The following SCN9A variants were observed in gnomAD, a reference collection of about 807,000 sequenced individuals.
SCN9A encodes the protein sodium channel protein type 9 subunit alpha.
A neutral mutation model predicts 187.0 loss-of-function variants in SCN9A; 131 were observed. That is an observed-to-expected ratio of 0.70 (90% CI 0.61 to 0.81). The LOEUF is 0.81. Ranked by LOEUF, SCN9A falls within the 30% of genes least tolerant of loss-of-function variation. SCN9A has a pLI of 0.00. For missense variants in SCN9A, 2,252 were observed against 2,396.6 expected, an observed-to-expected ratio of 0.94 and a Z score of 1.26; for synonymous variants, 809 against 808.6, an observed-to-expected ratio of 1.00 and a Z score of -0.01.
intron 1 of SCN9A, among the ~76,000 whole-genome samples, chr2:166,327,954 C>T (rs1200240074): frequency 6.6e-6 from 1 of 152,146 alleles, no homozygotes; most frequent in East Asian, 1.9e-4. Flanking sequence ...CACAATTTAA[C>T]TATTGTCCAT....
At chr2:166,233,489 G>A in intron 20 of SCN9A, 27 bp from the exon 21 acceptor site, 1 of 1,533,094 alleles carries the variant, frequency 6.5e-7, no homozygotes, top group Non-Finnish European at 8.7e-7. Flanking sequence ...TTCATTAATT[G>A]TGTCAATAAA....
At chr2:166,292,492 G>A (rs1026064007) in intron 9 of SCN9A, among the ~76,000 whole-genome samples, 5 of 150,956 alleles carry the variant, frequency 3.3e-5, no homozygotes, top group Non-Finnish European at 7.4e-5. Flanking sequence ...TAATATTCTC[G>A]GAAATAAAGT....
chr2:166,236,903 CA>C (rs1558972329), intron 20 of SCN9A, among the ~76,000 whole-genome samples: 1 of 152,138 alleles, frequency 6.6e-6, no homozygotes, highest in Non-Finnish European at 1.5e-5. Flanking sequence ...CTCGATAATG[CA>C]AACCCTTGGT....
At chr2:166,368,880 G>C (rs957057407) in intron 1 of SCN9A, among the ~76,000 whole-genome samples, 1 of 151,338 alleles carries the variant, frequency 6.6e-6, no homozygotes, top group African/African-American at 2.4e-5. Context: ...CCGGCTACTC[G>C]GGAGGCTGAG....
chr2:166,225,084 A>G (rs982381075), intron 24 of SCN9A, among the ~76,000 whole-genome samples: 1 of 152,168 alleles, frequency 6.6e-6, no homozygotes, highest in Non-Finnish European at 1.5e-5. Flanking sequence ...GGCTTTTTAT[A>G]TCTACTCTCA....
In SCN9A at chr2:166,305,921, C is replaced by G. The variant is rs199828294; in HGVS notation, c.468-1G>C. On this transcript the variant is annotated splice_acceptor_variant, in intron 4 of 26. Transcript: ENST00000642356. LOFTEE classifies it high-confidence loss of function. The stretch of plus-strand genomic sequence containing the variant: ...AGTATATATTCCAGTAAAAGTGTAC[C>G]TAAACACAAGATTCCATTGGGATAC... The G allele has an allele frequency of 6.2e-7, 1 of 1,612,078 alleles. No individual in the cohort carries two copies. The highest frequency in any genetic ancestry group is 8.5e-7 in the Non-Finnish European group (1 of 1,179,114).
chr2:166,305,809 A>C lies in SCN9A; in HGVS notation c.579T>G (p.Phe193Leu). Residue 193 changes from phenylalanine (F) to leucine (L), a missense_variant, in exon 5 of 27, where the codon TTT becomes TTG. Physicochemically the swap from Phe to Leu is conservative, Grantham distance 22. This residue lies in a region of SCN9A where 1,013 missense variants were observed against 997.4 expected (regional missense o/e 1.02). Coordinates refer to ENST00000642356, the MANE Select transcript of SCN9A (RefSeq NM_001365536.1). ...FLRDPWNWLDFVVIVFAYLTE... is the reference protein window; with the variant it reads ...FLRDPWNWLDLVVIVFAYLTE... ...GTACTTACGCAAAAACAATGACGAC[A>C]AAATCCAGCCAGTTCCACGGGTCAC... The C allele has an allele frequency of 6.2e-7, 1 of 1,613,474 alleles. No individual in the cohort carries two copies. The highest frequency in any genetic ancestry group is 8.5e-7 in the Non-Finnish European group (1 of 1,179,540).
In SCN9A at chr2:166,206,152, T is replaced by A. The variant is rs903717889; in HGVS notation, c.4399-1688A>T. ...CTAGAAATACCATTTGACCCAGCAA[T>A]CTCATTACTGGGTATATACTCAAGG... On this transcript the variant is annotated intron_variant, in intron 24 of 26. Transcript: ENST00000642356. Among the ~76,000 whole-genome samples, 49 of 152,140 alleles carry A rather than the reference T, an allele frequency of 3.2e-4. 1 individual carries two copies. Among genetic ancestry groups the A allele is most frequent in the Non-Finnish European group, 2.9e-5 (2 of 68,028 alleles).
In SCN9A at chr2:166,221,489, C is replaced by T. The variant is rs146469844; in HGVS notation, c.4398+5078G>A. On this transcript the variant is annotated intron_variant, in intron 24 of 26. Transcript: ENST00000642356. ...GATCATAGCTCACTGCAGCCTCATA[C>T]TCTTGGGCTTCAGTGATCCTCCCAC... is the stretch of plus-strand genomic sequence containing the variant. Among the ~76,000 whole-genome samples the T allele has an allele frequency of 6.1e-3, 929 of 152,250 alleles. 12 individuals carry two copies. Among genetic ancestry groups the T allele is most frequent in the South Asian group, 0.051 (246 of 4,824 alleles).
intron 1 of SCN9A, among the ~76,000 whole-genome samples, chr2:166,362,203 C>T (rs548158077): frequency 6.6e-6 from 1 of 152,060 alleles, no homozygotes; most frequent in East Asian, 1.9e-4. Context: ...TGGTAAAGTA[C>T]TATGGTATAA....
rs904049766 is a variant in SCN9A, at chr2:166,312,284, C to G, written c.-50-478G>C. ...TTGACCAGGAGAAGATTCCATCTCA[C>G]GAAACCACTTTCTTTGCTTATCAAT... On this transcript the variant is annotated intron_variant, in intron 1 of 26. Transcript: ENST00000642356. 2.6e-5 allele frequency among the ~76,000 whole-genome samples: 4 copies of G among 152,158 alleles called. 1 individual carries two copies. Among genetic ancestry groups the G allele is most frequent in the Admixed American group, 2.6e-4 (4 of 15,270 alleles).
chr2:166,319,379 A>G (rs914060126), intron 1 of SCN9A, among the ~76,000 whole-genome samples: 1 of 151,684 alleles, frequency 6.6e-6, no homozygotes, highest in African/African-American at 2.4e-5. Flanking sequence ...TAAAACACAT[A>G]GAATACAAGA....
chr2:166,248,401 C>G (rs866599242), intron 18 of SCN9A: 1 of 152,112 alleles, frequency 6.6e-6, no homozygotes, highest in African/African-American at 2.4e-5. Flanking sequence ...CCCTTCAGCT[C>G]TAACTTCAAA....
rs200926792 is a variant in SCN9A at position 166,277,265 on chromosome 2, C to T, written c.2592G>A (p.Gly864=). 8 of 1,613,890 alleles carry T rather than the reference C, an allele frequency of 5.0e-6. No homozygotes were observed. Among genetic ancestry groups the T allele is most frequent in the Non-Finnish European group, 6.8e-6 (8 of 1,179,938 alleles). ...ACACTAAGGTGAGGTTACCTAGAGC[C>T]CCTACTGAGTTACCAATGATCTTAA... The part of the protein sequence containing the change: ...MLIKIIGNSV[G]ALGNLTLVLA... Residue 864 remains glycine, a synonymous_variant, in exon 16 of 27, where the codon GGG becomes GGA. Transcript: ENST00000642356.
chr2:166,280,651 C>A (rs1697443651), intron 13 of SCN9A, 56 bp from the exon 14 acceptor site: 5 of 1,005,324 alleles, frequency 5.0e-6, no homozygotes, highest in South Asian at 3.2e-5. Flanking sequence ...TCACTCCTAA[C>A]CAGATACAAA....
intron 11 of SCN9A, 134 bp from the exon 12 acceptor site, chr2:166,284,958 C>T (rs563712463): frequency 1.4e-5 from 13 of 924,296 alleles, no homozygotes; most frequent in South Asian, 1.2e-4. Context: ...TACTTAAAAA[C>T]GAAGCAATTC....
intron 24 of SCN9A, among the ~76,000 whole-genome samples, chr2:166,220,544 C>T (rs906158545): frequency 6.6e-6 from 1 of 152,138 alleles, no homozygotes; most frequent in Non-Finnish European, 1.5e-5. Flanking sequence ...CAGACAGCCC[C>T]TCAGTCATGA....
chr2:166,359,509 T>C (rs969168129), intron 1 of SCN9A, among the ~76,000 whole-genome samples: 1 of 152,162 alleles, frequency 6.6e-6, no homozygotes, highest in African/African-American at 2.4e-5. Context: ...AATACTTGCC[T>C]GATTGCTGAA....
At chr2:166,293,468 G>T in intron 8 of SCN9A, 96 bp from the exon 9 acceptor site, 1 of 1,046,714 alleles carries the variant, frequency 9.6e-7, no homozygotes, top group Non-Finnish European at 1.3e-6. Flanking sequence ...TTCTTCTATA[G>T]GGGGACAATA....
Sources: allele counts gnomAD v4.1 joint callset (sites outside exome capture counted in the v4.1 genomes callset), GRCh38; gene constraint gnomAD v4.1.1; regional missense constraint gnomAD v4.1.1; transcripts MANE v1.5; gene names NCBI Gene and HGNC (gene_info 2026-07-23, HGNC 2026-07-21).